The following INSC variants were observed in gnomAD, a reference collection of about 807,000 sequenced individuals.
INSC encodes the protein protein inscuteable homolog.
A neutral mutation model predicts 58.6 loss-of-function variants in INSC; 67 were observed. The observed-to-expected ratio is 1.14, with a 90% CI of 0.94 to 1.40. The LOEUF (loss-of-function observed/expected upper bound fraction) is 1.40, where lower values mean the gene tolerates loss of function less well. INSC is among the 40% of genes most tolerant of loss of function. The probability of loss-of-function intolerance (pLI) is 0.00; values close to 1 mark genes in which losing one functional copy is unlikely to be tolerated. For synonymous variants in INSC, 262 were observed against 276.1 expected (o/e 0.95, Z 0.51); for missense variants, 714 against 692.0 (o/e 1.03, Z -0.36).
intron 5 of INSC, among the ~76,000 whole-genome samples, chr11:15,186,314 C>T (rs1434405784): frequency 6.6e-6 from 1 of 151,938 alleles, no homozygotes; most frequent in African/African-American, 2.4e-5. Context: ...TCCCACATTC[C>T]TTTTAGAGAG....
intron 7 of INSC, among the ~76,000 whole-genome samples, chr11:15,209,074 G>A (rs896210684): frequency 1.3e-5 from 2 of 152,202 alleles, no homozygotes; most frequent in African/African-American, 4.8e-5. Context: ...AGTCTGTCCT[G>A]TGTGTTCTTG....
At chr11:15,171,837 C>T (rs945407725) in intron 2 of INSC, among the ~76,000 whole-genome samples, 13 of 152,230 alleles carry the variant, frequency 8.5e-5, no homozygotes, top group Admixed American at 7.2e-4. Flanking sequence ...GTACAATAAT[C>T]CCTGTCTGTA....
chr11:15,117,402 T>C (rs1262127927), intron 1 of INSC, among the ~76,000 whole-genome samples: 1 of 152,106 alleles, frequency 6.6e-6, no homozygotes, highest in Non-Finnish European at 1.5e-5. Context: ...CACCTGACCC[T>C]TGGGAATGGT....
At chr11:15,218,671 G>A (rs577937823) in intron 7 of INSC, among the ~76,000 whole-genome samples, 1 of 152,150 alleles carries the variant, frequency 6.6e-6, no homozygotes, top group African/African-American at 2.4e-5. Context: ...GCAAGACGAT[G>A]GGCAATTGGC....
At chr11:15,258,839 G>T in the INSC span, among the ~76,000 whole-genome samples, 1 of 152,174 alleles carries the variant, frequency 6.6e-6, no homozygotes, top group Admixed American at 6.5e-5. Context: ...AACCATGACA[G>T]AATGAGGCAG....
At chr11:15,182,811 T>C (rs1006584354) in intron 5 of INSC, among the ~76,000 whole-genome samples, 56 of 152,332 alleles carry the variant, frequency 3.7e-4, no homozygotes, top group African/African-American at 1.3e-3. Context: ...TTGTTTTCTT[T>C]CTTAAAAATG....
chr11:15,181,563 A>G (rs768555329), intron 5 of INSC, among the ~76,000 whole-genome samples: 3 of 152,186 alleles, frequency 2.0e-5, no homozygotes, highest in Non-Finnish European at 2.9e-5. Context: ...AGCTCCCCAC[A>G]CACTGGAATG....
the INSC span, among the ~76,000 whole-genome samples, chr11:15,267,198 T>C: frequency 6.6e-6 from 1 of 152,022 alleles, no homozygotes; most frequent in Admixed American, 6.6e-5. Flanking sequence ...GTATTGTTTC[T>C]GATGAGAAGT....
intron 1 of INSC, among the ~76,000 whole-genome samples, chr11:15,116,786 CTTTCT>C (rs764964060): frequency 4.0e-5 from 5 of 123,602 alleles, no homozygotes; most frequent in African/African-American, 1.5e-4. Context: ...TTCTTCCTTC[CTTTCT>C]TTTCTTTTCT....
intron 1 of INSC, among the ~76,000 whole-genome samples, chr11:15,146,240 A>G (rs575247453): frequency 6.6e-6 from 1 of 152,374 alleles, no homozygotes; most frequent in African/African-American, 2.4e-5. Context: ...TCCCTAGTGA[A>G]AATGAGCTGT....
chr11:15,221,694 C>T, intron 8 of INSC, 46 bp downstream of exon 8: 2 of 1,539,768 alleles, frequency 1.3e-6, no homozygotes, highest in Non-Finnish European at 1.8e-6. Context: ...AGGGCCTTGG[C>T]ACAGTTGTCT....
the INSC span, among the ~76,000 whole-genome samples, chr11:15,257,095 T>A: frequency 6.6e-6 from 1 of 152,202 alleles, no homozygotes; most frequent in African/African-American, 2.4e-5. Flanking sequence ...ATTTCCTTAA[T>A]GATAGAACCT....
At chr11:15,234,547 G>A (rs544768339) in intron 9 of INSC, among the ~76,000 whole-genome samples, 19 of 152,290 alleles carry the variant, frequency 1.2e-4, no homozygotes, top group African/African-American at 3.9e-4. Context: ...CTGTCTCAGC[G>A]GAGGGGGGAC....
At chr11:15,184,454 GGT>G in intron 5 of INSC, 5 of 178,158 alleles carry the variant, frequency 2.8e-5, no homozygotes, top group Non-Finnish European at 6.0e-5. Context: ...GGAGTGCAGT[GGT>G]GCAATCTCGG....
At chr11:15,218,819 CTT>C (rs34977330) in intron 7 of INSC, among the ~76,000 whole-genome samples, 1 of 152,196 alleles carries the variant, frequency 6.6e-6, no homozygotes, top group Non-Finnish European at 1.5e-5. Context: ...CCAATGCTAT[CTT>C]TTCCTATAAT....
chr11:15,221,090 C>A (rs991860393), intron 7 of INSC, among the ~76,000 whole-genome samples: 1 of 152,150 alleles, frequency 6.6e-6, no homozygotes, highest in African/African-American at 2.4e-5. Context: ...AAGTGACTAA[C>A]GCCAAGTCAC....
intron 1 of INSC, among the ~76,000 whole-genome samples, chr11:15,140,621 C>T (rs1457265265): frequency 1.3e-5 from 2 of 149,162 alleles, no homozygotes; most frequent in East Asian, 3.9e-4. Context: ...GGGTCTTGCT[C>T]AGGCTGAAGT....
chr11:15,171,495 A>T (rs1457380520), intron 2 of INSC, among the ~76,000 whole-genome samples: 1 of 152,102 alleles, frequency 6.6e-6, no homozygotes, highest in Non-Finnish European at 1.5e-5. Flanking sequence ...CAGGGGACTT[A>T]CTTATTGTCC....
At position 15,236,774 on chromosome 11, in the gene INSC, C is replaced by G. The variant is rs569952957; in HGVS notation, c.1237+1106C>G. ...AGCTGGGAGCCTGTGCCCGCTGCCT[C>G]TGCTCTTGCTAAACCCCCTTCTCCC... On this transcript the variant is annotated intron_variant, in intron 10 of 12. Coordinates refer to ENST00000379556, the MANE Select transcript of INSC (RefSeq NM_001042536.3). Among the ~76,000 whole-genome samples the G allele has an allele frequency of 2.0e-5, 3 of 152,380 alleles. No individual in the cohort carries two copies. The East Asian group carries it at 5.8e-4, about 29-fold the overall frequency.
Sources: gnomAD v4.1 joint callset for allele counts (sites outside exome capture counted in the v4.1 genomes callset) on GRCh38, gnomAD v4.1.1 for gene constraint, MANE v1.5 for transcripts, NCBI Gene and HGNC (gene_info 2026-07-23, HGNC 2026-07-21) for gene names.